Variants in IPO8 observed in about 807,000 individuals in gnomAD.
IPO8 encodes the protein importin-8.
In IPO8, 65 loss-of-function variants were observed where a neutral mutation model predicts 141.2. The observed-to-expected ratio is 0.46, with a 90% confidence interval of 0.38 to 0.57. The LOEUF is 0.57. Among genes scored for constraint, IPO8 ranks in the 20% least tolerant of loss-of-function variants. The probability of loss-of-function intolerance (pLI) is 0.00; values close to 1 mark genes in which losing one functional copy is unlikely to be tolerated. For synonymous variants in IPO8, 411 were observed against 420.3 expected, an observed-to-expected ratio of 0.98 and a Z score of 0.27; for missense variants, 980 against 1,246.8, an observed-to-expected ratio of 0.79 and a Z score of 3.22.
intron 19 of IPO8, 41 bp downstream of exon 19, chr12:30,652,151 T>C: frequency 8.8e-7 from 1 of 1,136,974 alleles, no homozygotes; most frequent in South Asian, 1.3e-5. Context: ...AGGCAAACAT[T>C]AGTTAAGAAC....
At chr12:30,666,492 T>G (rs2052967134) in intron 10 of IPO8, among the ~76,000 whole-genome samples, 1 of 152,156 alleles carries the variant, frequency 6.6e-6, no homozygotes, top group African/African-American at 2.4e-5. Flanking sequence ...AAGAAAACAA[T>G]GCATTTACAC....
intron 16 of IPO8, among the ~76,000 whole-genome samples, chr12:30,657,273 ATG>A (rs2052813179): frequency 6.6e-6 from 1 of 152,158 alleles, no homozygotes; most frequent in South Asian, 2.1e-4. Context: ...TAGAAAACAA[ATG>A]TGTTTCTTTT....
At position 30,629,296 on chromosome 12, in the gene IPO8, T is replaced by C. The variant is rs1000813989; in HGVS notation, c.*1564A>G. On this transcript the variant is annotated 3_prime_UTR_variant, in exon 25 of 25. Transcript: ENST00000256079. ...AAAGAGTTTGAAAGCTCTCTAAAAT[T>C]TCTCCCAATGCCATCTTTCGCTTCT... is the stretch of plus-strand genomic sequence containing the variant. 13 of 152,212 alleles carry C rather than the reference T, an allele frequency of 8.5e-5. No homozygotes were observed. The highest frequency in any genetic ancestry group is 3.1e-4 in the African/African-American group (13 of 41,464). The allele number at this position is 152,212 out of a possible 1,614,324, so 9.4% of individuals were successfully genotyped here.
intron 4 of IPO8, among the ~76,000 whole-genome samples, chr12:30,681,080 C>T (rs1474542973): frequency 6.6e-6 from 1 of 152,138 alleles, no homozygotes; most frequent in Admixed American, 6.5e-5. Flanking sequence ...TCTTAGATTG[C>T]TTTAATTGCC....
chr12:30,674,779 A>T (rs2053096714), intron 6 of IPO8, 26 bp from the exon 7 acceptor site: 1 of 1,396,620 alleles, frequency 7.2e-7, no homozygotes, highest in Non-Finnish European at 1.0e-6. Flanking sequence ...TACCCAGATT[A>T]AAGTTCTGCA....
At chr12:30,646,618 A>G (rs953064026) in intron 20 of IPO8, among the ~76,000 whole-genome samples, 4 of 152,206 alleles carry the variant, frequency 2.6e-5, no homozygotes, top group African/African-American at 9.6e-5. Context: ...CATTAAAACT[A>G]ATAAATCAGT....
chr12:30,684,068 T>C (rs917702316), intron 3 of IPO8, among the ~76,000 whole-genome samples: 4 of 152,190 alleles, frequency 2.6e-5, no homozygotes, highest in African/African-American at 9.7e-5. Context: ...TTTTAAATCT[T>C]ACCTCTTTTT....
Position 30,649,240 on chromosome 12 carries a change from A to G in IPO8, c.2173-8T>C. The G allele has an allele frequency of 6.2e-7, 1 of 1,605,186 alleles. No homozygotes were observed. Among genetic ancestry groups the G allele is most frequent in the South Asian group, 1.1e-5 (1 of 90,698 alleles). ...TGCATCTCCACATAGTACCTGCAGT[A>G]ATTACAATTTAGCTCAGCAGTAAGT... On this transcript the variant is annotated splice_region_variant and splice_polypyrimidine_tract_variant and intron_variant, in intron 19 of 24. Transcript: ENST00000256079.
chr12:30,666,754 T>C (rs1462089299), intron 10 of IPO8, among the ~76,000 whole-genome samples: 1 of 152,100 alleles, frequency 6.6e-6, no homozygotes, highest in Non-Finnish European at 1.5e-5. Context: ...GGGTGCTAGT[T>C]TAAATAGGGT....
At chr12:30,671,155 G>C in intron 8 of IPO8, 59 bp from the exon 9 acceptor site, 1 of 1,195,034 alleles carries the variant, frequency 8.4e-7, no homozygotes, top group Admixed American at 1.9e-5. Flanking sequence ...AAAGGGGGAG[G>C]TGCCATTTTT....
chr12:30,662,184 C>G, intron 15 of IPO8, 143 bp downstream of exon 15: 1 of 626,320 alleles, frequency 1.6e-6, no homozygotes, highest in Non-Finnish European at 2.8e-6. Flanking sequence ...AGGAGTGCAC[C>G]ATCGTATATG....
chr12:30,648,288 G>T (rs930210270), intron 20 of IPO8, among the ~76,000 whole-genome samples: 3 of 152,166 alleles, frequency 2.0e-5, no homozygotes, highest in East Asian at 1.9e-4. Flanking sequence ...GATGAACCTT[G>T]AAAACCTATG....
chr12:30,658,483 T>C (rs1375956984), intron 16 of IPO8, among the ~76,000 whole-genome samples: 3 of 152,328 alleles, frequency 2.0e-5, no homozygotes, highest in East Asian at 3.9e-4. Context: ...TTTTCACCCA[T>C]GCCTCTCTTG....
intron 3 of IPO8, among the ~76,000 whole-genome samples, chr12:30,684,040 T>C (rs1174418717): frequency 3.3e-5 from 5 of 152,220 alleles, no homozygotes; most frequent in Admixed American, 3.3e-4. Context: ...CACAATTGTT[T>C]TGGTTAAGTA....
At chr12:30,652,890 T>C in intron 18 of IPO8, 77 bp downstream of exon 18, 3 of 1,240,752 alleles carry the variant, frequency 2.4e-6, no homozygotes, top group Non-Finnish European at 3.4e-6. Flanking sequence ...GAATCATATG[T>C]GTTTTTATTT....
At chr12:30,638,152 T>C (rs2052527796) in intron 21 of IPO8, among the ~76,000 whole-genome samples, 1 of 151,916 alleles carries the variant, frequency 6.6e-6, no homozygotes, top group Non-Finnish European at 1.5e-5. Context: ...ACCCAAGGAC[T>C]CCCAGTCTAC....
chr12:30,688,376 T>C, intron 2 of IPO8: 1 of 425,168 alleles, frequency 2.4e-6, no homozygotes, highest in South Asian at 1.7e-5. Flanking sequence ...GCACGCTTGA[T>C]GGTAGCAAGA....
Position 30,661,132 on chromosome 12 carries a change from A to G in IPO8, c.1881+9T>C, listed in dbSNP as rs78983726. On this transcript the variant is annotated intron_variant, in intron 16 of 24. Transcript: ENST00000256079. ...TACTATTATATCATAAACCACAAAG[A>G]AATCTCACCTCTTTATGATCTTCTA... 44,810 of 1,496,176 alleles carry G rather than the reference A, an allele frequency of 0.03. 1,036 individuals carry two copies. Among genetic ancestry groups the G allele is most frequent in the African/African-American group, 0.098 (6,836 of 69,416 alleles). 92.7% of individuals were successfully genotyped at this position (1,496,176 alleles called of 1,614,324 possible).
chr12:30,669,323 G>T, intron 9 of IPO8, 41 bp from the exon 10 acceptor site: 1 of 959,448 alleles, frequency 1.0e-6, no homozygotes, highest in Non-Finnish European at 1.6e-6. Flanking sequence ...AATGGGTATA[G>T]GCTATTCAAG....
Sources: gnomAD v4.1 joint callset for allele counts (sites outside exome capture counted in the v4.1 genomes callset) on GRCh38, gnomAD v4.1.1 for gene constraint, MANE v1.5 for transcripts, NCBI Gene and HGNC (gene_info 2026-07-23, HGNC 2026-07-21) for gene names.